DNAH12: variants seen among roughly 807,000 people sequenced by gnomAD.
DNAH12 encodes the protein dynein axonemal heavy chain 12.
DNAH12 carries 285 observed loss-of-function variants against 371.5 expected under a neutral mutation model. The ratio of observed to expected loss-of-function variants is 0.77; its 90% CI spans 0.70 to 0.85. The LOEUF (loss-of-function observed/expected upper bound fraction) is 0.85. Among genes scored for constraint, DNAH12 ranks in the 40% least tolerant of loss-of-function variants. The pLI, the probability that DNAH12 is intolerant of heterozygous loss-of-function variation, is 0.00. For missense variants in DNAH12, 3,611 were observed against 3,689.4 expected (o/e 0.98, Z 0.55); for synonymous variants, 1,200 against 1,213.0 (o/e 0.99, Z 0.22).
chr3:57,519,669 T>C lies in DNAH12; in HGVS notation c.279+3914A>G, dbSNP rs1021555881. 1.1e-5 allele frequency: 17 copies of C among 1,578,526 alleles called. No homozygotes were observed. The African/African-American group carries it at 2.2e-4, about 20-fold the overall frequency. Reference sequence around the variant, plus strand: ...GCACTAAGAAGCCTTCTAACCGCTCTCATTTGCCGATTCTTTGGGCCACCC... The same window carrying C: ...GCACTAAGAAGCCTTCTAACCGCTCCCATTTGCCGATTCTTTGGGCCACCC... On this transcript the variant is annotated intron_variant, in intron 4 of 73. Transcript: ENST00000495027.
chr3:57,484,197 G>A (rs1041212703), intron 12 of DNAH12, among the ~76,000 whole-genome samples: 1 of 151,828 alleles, frequency 6.6e-6, no homozygotes, highest in Non-Finnish European at 1.5e-5. Flanking sequence ...ATAATCATTA[G>A]TATAATTATT....
chr3:57,337,674 A>ATG (rs1201147236), intron 60 of DNAH12, among the ~76,000 whole-genome samples: 2 of 152,004 alleles, frequency 1.3e-5, no homozygotes, highest in Admixed American at 6.5e-5. Flanking sequence ...AAATATATAT[A>ATG]TGTGTGTATA....
chr3:57,327,243 C>A (rs891484811), intron 62 of DNAH12, among the ~76,000 whole-genome samples: 1 of 152,108 alleles, frequency 6.6e-6, no homozygotes, highest in Non-Finnish European at 1.5e-5. Context: ...CACCCCAAAT[C>A]AACAGAATAT....
chr3:57,323,492 G>C lies in DNAH12; in HGVS notation c.10106C>G (p.Ser3369Cys), dbSNP rs1559553112. Residue 3369 changes from serine to cysteine, a missense_variant, in exon 63 of 74, where the codon TCT (serine) becomes TGT (cysteine). By Grantham distance (112) the Ser-to-Cys change is moderately radical. Around this residue, in one of 3 missense-constraint regions of DNAH12, gnomAD observed 2,266 missense variants for 2,236.9 expected, o/e 1.01. Coordinates refer to ENST00000495027, the MANE Select transcript of DNAH12 (RefSeq NM_001366028.2). ...NCTIPLIFVL[S>C]PGADPMASLL... ...ACTGGCCATAGGATCTGCTCCTGGA[G>C]ATAGAACAAAAATTAAGGGAATGGT... is the stretch of plus-strand genomic sequence containing the variant. The C allele has an allele frequency of 1.3e-6, 2 of 1,549,912 alleles. No homozygotes were observed. The highest frequency in any genetic ancestry group is 2.0e-5 in the Admixed American group (1 of 50,508).
At chr3:57,499,059 A>T (rs553827305) in intron 11 of DNAH12, among the ~76,000 whole-genome samples, 10 of 152,270 alleles carry the variant, frequency 6.6e-5, no homozygotes, top group Non-Finnish European at 5.9e-5. Flanking sequence ...TAAACTACTG[A>T]CACAAAACAA....
Position 57,405,139 on chromosome 3 carries a change from T to G in DNAH12, c.6585A>C (p.Glu2195Asp), listed in dbSNP as rs1186109038. ...CAAACATGAGATTTCTTAAGTCTTC[T>G]TCAGTTACCTATAGAAAGGAAATCA... ...HLRKQNAPVT[E>D]EDLRNLMFGD... The change falls in exon 42 of 74, where the codon GAA (glutamate) becomes GAC (aspartate). Residue 2195 changes from glutamate to aspartate, a missense_variant. Around this residue, in one of 3 missense-constraint regions of DNAH12, gnomAD observed 2,266 missense variants for 2,236.9 expected, o/e 1.01. Transcript: ENST00000495027. The G allele has an allele frequency of 1.3e-6, 2 of 1,529,744 alleles. No homozygotes were observed. Among genetic ancestry groups the G allele is most frequent in the African/African-American group, 2.8e-5 (2 of 71,712 alleles). 94.8% of individuals were successfully genotyped at this position (1,529,744 alleles called of 1,614,324 possible).
intron 40 of DNAH12, 41 bp from the exon 41 acceptor site, chr3:57,405,993 ATAATCAG>A (rs1553681122): frequency 6.7e-7 from 1 of 1,499,264 alleles, no homozygotes; most frequent in Non-Finnish European, 9.0e-7. Context: ...TAAAATGCTT[ATAATCAG>A]TAAAGTCATG....
chr3:57,442,446 G>A lies in DNAH12; in HGVS notation c.4545+2251C>T, dbSNP rs556337412. Among the ~76,000 whole-genome samples, 3 of 152,072 alleles carry A rather than the reference G, an allele frequency of 2.0e-5. No individual in the cohort carries two copies. In the South Asian group the frequency reaches 6.2e-4, roughly 32 times the overall value. On this transcript the variant is annotated intron_variant, in intron 29 of 73. Transcript: ENST00000495027. The stretch of plus-strand genomic sequence containing the variant: ...AAGGTGCTTATATTTTTTGTCAACT[G>A]GTAAAATACTAACTGTAAAGTTGTA...
intron 66 of DNAH12, among the ~76,000 whole-genome samples, chr3:57,314,108 C>T (rs2061636955): frequency 6.6e-6 from 1 of 152,122 alleles, no homozygotes; most frequent in African/African-American, 2.4e-5. Context: ...AAGCTGTAGA[C>T]TTGACCAAGT....
intron 17 of DNAH12, among the ~76,000 whole-genome samples, chr3:57,464,749 G>A (rs2066149916): frequency 6.6e-6 from 1 of 152,074 alleles, no homozygotes; most frequent in African/African-American, 2.4e-5. Context: ...ACAAAAAGGA[G>A]AGAAAATTAA....
At chr3:57,330,279 C>G (rs1413072497) in intron 62 of DNAH12, among the ~76,000 whole-genome samples, 1 of 151,332 alleles carries the variant, frequency 6.6e-6, no homozygotes, top group East Asian at 1.9e-4. Flanking sequence ...TTTATTGCGG[C>G]ACTATTCACA....
At position 57,323,187 on chromosome 3, in the gene DNAH12, T is replaced by TTGTCCC; in HGVS notation, c.10197_10202dup (p.Gln3401_Gly3402dup). ...TAATCATTTTTGCTGCAATCGGTCC[T>TTGTCCC]TGTCCCTGTCCCAGTGAAATAGCTT... On this transcript the variant is annotated inframe_insertion, in exon 64 of 74. Transcript: ENST00000495027. The TTGTCCC allele has an allele frequency of 6.4e-7, 1 of 1,552,416 alleles. No individual in the cohort carries two copies. The highest frequency in any genetic ancestry group is 8.7e-7 in the Non-Finnish European group (1 of 1,147,140).
intron 16 of DNAH12, among the ~76,000 whole-genome samples, chr3:57,469,996 T>A (rs2066321293): frequency 6.6e-6 from 1 of 152,078 alleles, no homozygotes; most frequent in Non-Finnish European, 1.5e-5. Flanking sequence ...GTTGAAATTA[T>A]AAAACAAAAA....
Position 57,415,512 on chromosome 3 carries a change from C to G in DNAH12, c.5767G>C (p.Asp1923His). The G allele has an allele frequency of 6.4e-7, 1 of 1,550,848 alleles. No individual in the cohort carries two copies. The highest frequency in any genetic ancestry group is 8.7e-7 in the Non-Finnish European group (1 of 1,146,840). Residue 1923 changes from aspartate to histidine, a missense_variant, in exon 38 of 74, where the codon GAT (aspartate) becomes CAT (histidine). Physicochemically the swap from Asp to His is moderately conservative, Grantham distance 81. Transcript: ENST00000495027. Reference protein sequence around the residue: ...TGTGKSVYVKDKLMNHLEKDQ... With the variant: ...TGTGKSVYVKHKLMNHLEKDQ... ...TTTTCCAAGTGATTCATTAGCTTAT[C>G]CTTCACATACACAGATTTTCCTGTA...
At chr3:57,436,299 T>C (rs538488509) in intron 30 of DNAH12, among the ~76,000 whole-genome samples, 1 of 152,264 alleles carries the variant, frequency 6.6e-6, no homozygotes. Flanking sequence ...AAATCACATA[T>C]ACAAAATGCT....
chr3:57,533,011 CTTA>C (rs1464654483), intron 2 of DNAH12, among the ~76,000 whole-genome samples: 6 of 152,172 alleles, frequency 3.9e-5, no homozygotes, highest in Non-Finnish European at 7.3e-5. Flanking sequence ...TACCTGGTGT[CTTA>C]TTATACTGCT....
intron 23 of DNAH12, 29 bp from the exon 24 acceptor site, chr3:57,453,432 T>C (rs1192525311): frequency 1.3e-6 from 2 of 1,483,704 alleles, no homozygotes; most frequent in African/African-American, 1.4e-5. Flanking sequence ...AGCAATCTAA[T>C]TGATGTCACA....
rs938120501 is a variant in DNAH12, at chr3:57,358,316, A to G, written c.9361-968T>C. Reference sequence around the variant, plus strand: ...GTTTCTACATGCTAGATGAGTATATAAAGGAAGAGATACAAAAGTCTTAAA... The same window carrying G: ...GTTTCTACATGCTAGATGAGTATATGAAGGAAGAGATACAAAAGTCTTAAA... On this transcript the variant is annotated intron_variant, in intron 58 of 73. Transcript: ENST00000495027. Among the ~76,000 whole-genome samples, 55 of 152,330 alleles carry G rather than the reference A, an allele frequency of 3.6e-4. No individual in the cohort carries two copies. The East Asian group carries it at 8.7e-3, about 24-fold the overall frequency.
intron 58 of DNAH12, among the ~76,000 whole-genome samples, chr3:57,361,102 C>T (rs2062917654): frequency 6.6e-6 from 1 of 151,944 alleles, no homozygotes; most frequent in South Asian, 2.1e-4. Context: ...GTAATCCCTG[C>T]ACTTTGGGAG....
Sources: gnomAD v4.1 joint callset for allele counts (sites outside exome capture counted in the v4.1 genomes callset) on GRCh38, gnomAD v4.1.1 for gene constraint, gnomAD v4.1.1 regional missense constraint, MANE v1.5 for transcripts, NCBI Gene and HGNC (gene_info 2026-07-23, HGNC 2026-07-21) for gene names.